Variants in GRM8 observed in about 807,000 individuals in gnomAD.
The protein encoded by GRM8 is glutamate metabotropic receptor 8, also known as metabotropic glutamate receptor 8.
In GRM8, 47 loss-of-function variants were observed where a neutral mutation model predicts 87.2. The observed-to-expected ratio is 0.54, with a 90% CI of 0.43 to 0.69. GRM8 has a LOEUF of 0.69. Ranked by LOEUF, GRM8 falls within the 30% of genes least tolerant of loss-of-function variation. The pLI is 0.00. For missense variants in GRM8, 1,019 were observed against 1,139.2 expected (o/e 0.89, Z 1.52); for synonymous variants, 396 against 404.5 (o/e 0.98, Z 0.25).
At chr7:126,774,220 C>T (rs954860280) in intron 6 of GRM8, among the ~76,000 whole-genome samples, 4 of 152,142 alleles carry the variant, frequency 2.6e-5, no homozygotes, top group Admixed American at 1.3e-4. Context: ...TTCCTTAACA[C>T]TTCAACCTCA....
intron 3 of GRM8, among the ~76,000 whole-genome samples, chr7:126,987,399 A>G (rs970312472): frequency 4.6e-5 from 7 of 151,770 alleles, no homozygotes; most frequent in Admixed American, 4.6e-4. Flanking sequence ...ATATTTGTAT[A>G]TTAAGTGTTA....
intron 3 of GRM8, among the ~76,000 whole-genome samples, chr7:126,964,111 A>T (rs1245297135): frequency 1.3e-5 from 2 of 152,228 alleles, no homozygotes; most frequent in Non-Finnish European, 2.9e-5. Context: ...CTGGCTAGCC[A>T]TATGCAGAAA....
At chr7:126,804,390 C>A (rs1424592662) in intron 6 of GRM8, among the ~76,000 whole-genome samples, 2 of 152,236 alleles carry the variant, frequency 1.3e-5, no homozygotes, top group African/African-American at 4.8e-5. Flanking sequence ...TATCCCGCTT[C>A]ATTGTCTCAT....
chr7:126,704,392 G>T (rs1810264729), intron 7 of GRM8, among the ~76,000 whole-genome samples: 1 of 152,124 alleles, frequency 6.6e-6, no homozygotes, highest in South Asian at 2.1e-4. Context: ...ACCCTGTGAT[G>T]ATTGTGTTAA....
intron 3 of GRM8, among the ~76,000 whole-genome samples, chr7:126,997,537 C>A (rs868016831): frequency 7.2e-6 from 1 of 138,100 alleles, no homozygotes; most frequent in African/African-American, 2.6e-5. Flanking sequence ...AAACCTTTAG[C>A]CAGACTAAGA....
intron 3 of GRM8, among the ~76,000 whole-genome samples, chr7:127,090,126 G>A (rs1280512176): frequency 6.6e-6 from 1 of 152,114 alleles, no homozygotes; most frequent in Non-Finnish European, 1.5e-5. Context: ...GCCAATCCCA[G>A]CTCTTGCCTG....
intron 7 of GRM8, among the ~76,000 whole-genome samples, chr7:126,643,673 C>A (rs1028346235): frequency 5.3e-5 from 8 of 152,132 alleles, no homozygotes; most frequent in African/African-American, 1.4e-4. Flanking sequence ...CAATTACTGT[C>A]AAAAACTTCC....
intron 2 of GRM8, among the ~76,000 whole-genome samples, chr7:127,151,925 GTAGATT>G (rs1438866913): frequency 6.6e-6 from 1 of 151,866 alleles, no homozygotes; most frequent in Non-Finnish European, 1.5e-5. Flanking sequence ...CTTTAATTCT[GTAGATT>G]AAAAAAAGAA....
At chr7:127,062,199 G>A (rs185328123) in intron 3 of GRM8, among the ~76,000 whole-genome samples, 1 of 152,052 alleles carries the variant, frequency 6.6e-6, no homozygotes, top group East Asian at 1.9e-4. Flanking sequence ...CTAATTCCAG[G>A]TAATTCAGAC....
rs565655431 is a variant in GRM8, at chr7:126,456,504, A to T, written c.2431-10132T>A. ...TGAGACTTTGCTGAATCCTAAGTGTAAGAAAGCAGCAAGCTAAAAAAAAAA... is the reference window on the plus strand; with the variant it reads ...TGAGACTTTGCTGAATCCTAAGTGTTAGAAAGCAGCAAGCTAAAAAAAAAA... On this transcript the variant is annotated intron_variant, in intron 9 of 10. Coordinates refer to ENST00000339582, the MANE Select transcript of GRM8 (RefSeq NM_000845.3). Among the ~76,000 whole-genome samples the T allele has an allele frequency of 3.3e-3, 474 of 141,950 alleles. 3 individuals carry two copies. Among genetic ancestry groups the T allele is most frequent in the Non-Finnish European group, 5.6e-3 (368 of 65,220 alleles). The allele number at this position is 141,950 out of a possible 152,430, so 93.1% of individuals were successfully genotyped here.
chr7:127,019,422 A>T (rs2132200457), intron 3 of GRM8, among the ~76,000 whole-genome samples: 1 of 152,232 alleles, frequency 6.6e-6, no homozygotes, highest in South Asian at 2.1e-4. Flanking sequence ...TTTAAATAGC[A>T]TTATTTATCA....
At chr7:126,748,930 TA>T (rs1377451556) in intron 7 of GRM8, among the ~76,000 whole-genome samples, 1 of 152,122 alleles carries the variant, frequency 6.6e-6, no homozygotes, top group Non-Finnish European at 1.5e-5. Context: ...TTAATATTGA[TA>T]TTTTTAAGAT....
rs1796030235 is a variant in GRM8 at position 126,585,609 on chromosome 7, T to G, written c.1494+23753A>C. On this transcript the variant is annotated intron_variant, in intron 8 of 10. Coordinates refer to ENST00000339582, the MANE Select transcript of GRM8 (RefSeq NM_000845.3). ...TGATTATCTCAATAGACACAGAAAA[T>G]GCCTTTGAAAAAATTCAACAGCCCT... Among the ~76,000 whole-genome samples the G allele has an allele frequency of 2.0e-5, 3 of 152,138 alleles. No homozygotes were observed. In the South Asian group the frequency reaches 6.2e-4, roughly 32 times the overall value.
intron 2 of GRM8, among the ~76,000 whole-genome samples, chr7:127,188,991 T>C (rs1304108732): frequency 6.6e-6 from 1 of 152,220 alleles, no homozygotes; most frequent in East Asian, 1.9e-4. Flanking sequence ...TCCCAGCTTC[T>C]TCTATTGTAT....
chr7:126,559,150 CT>C (rs551929723), intron 8 of GRM8, among the ~76,000 whole-genome samples: 2,178 of 121,990 alleles, frequency 0.018, 29 homozygotes, highest in African/African-American at 0.041. Flanking sequence ...TAATCTTTTG[CT>C]TTTTTTTTTT....
intron 6 of GRM8, among the ~76,000 whole-genome samples, chr7:126,880,319 G>T (rs1586302541): frequency 6.6e-6 from 1 of 152,338 alleles, no homozygotes; most frequent in Non-Finnish European, 1.5e-5. Flanking sequence ...CTTGTCCCAA[G>T]TTCAACAGTC....
At chr7:126,574,085 T>C (rs1213552662) in intron 8 of GRM8, among the ~76,000 whole-genome samples, 2 of 152,142 alleles carry the variant, frequency 1.3e-5, no homozygotes, top group Non-Finnish European at 2.9e-5. Context: ...AAATAAAAAC[T>C]TCAAAAGAAA....
At chr7:126,575,762 C>T (rs1382673338) in intron 8 of GRM8, among the ~76,000 whole-genome samples, 1 of 152,004 alleles carries the variant, frequency 6.6e-6, no homozygotes, top group African/African-American at 2.4e-5. Context: ...ATGCCAACCC[C>T]TAAAAAAAAA....
intron 3 of GRM8, among the ~76,000 whole-genome samples, chr7:126,940,339 G>A (rs1806780464): frequency 2.6e-5 from 4 of 152,156 alleles, no homozygotes; most frequent in Admixed American, 2.6e-4. Context: ...TCACCACCCA[G>A]GTCTGACCTA....
Sources: allele counts gnomAD v4.1 joint callset (sites outside exome capture counted in the v4.1 genomes callset), GRCh38; gene constraint gnomAD v4.1.1; transcripts MANE v1.5; gene names NCBI Gene and HGNC (gene_info 2026-07-23, HGNC 2026-07-21).